Variants in ZNF385C observed in about 807,000 individuals in gnomAD.
ZNF385C encodes the protein CTD-2132N18.2.
In ZNF385C, 28 loss-of-function variants were observed where a neutral mutation model predicts 35.4. The ratio of observed to expected loss-of-function variants is 0.79; its 90% CI spans 0.59 to 1.08. The LOEUF is 1.08. ZNF385C is among the 50% of genes least tolerant of loss of function. The pLI is 0.00. For synonymous variants in ZNF385C, 248 were observed against 248.2 expected, an observed-to-expected ratio of 1.00 and a Z score of 0.01; for missense variants, 605 against 595.6, an observed-to-expected ratio of 1.02 and a Z score of -0.16.
At chr17:42,039,908 C>G (rs1413518804) in intron 2 of ZNF385C, 1 of 1,231,242 alleles carries the variant, frequency 8.1e-7, no homozygotes, top group Non-Finnish European at 1.0e-6. Flanking sequence ...CCAGCGCCCG[C>G]GGGCAGCGCC....
intron 1 of ZNF385C, among the ~76,000 whole-genome samples, chr17:42,087,703 T>C (rs782027216): frequency 5.3e-5 from 8 of 152,068 alleles, no homozygotes; most frequent in African/African-American, 7.2e-5. Context: ...AGACAGGAGG[T>C]TCACTTGAGG....
chr17:42,096,868 G>A (rs1280136838), intron 1 of ZNF385C, among the ~76,000 whole-genome samples: 2 of 151,526 alleles, frequency 1.3e-5, no homozygotes, highest in African/African-American at 4.9e-5. Context: ...GAGGTGAGGG[G>A]CCCTGGGCAG....
chr17:42,056,416 T>C (rs926805785), intron 2 of ZNF385C, among the ~76,000 whole-genome samples: 1 of 152,184 alleles, frequency 6.6e-6, no homozygotes, highest in African/African-American at 2.4e-5. Flanking sequence ...TCCTAATATA[T>C]GCTGTTCTCC....
intron 2 of ZNF385C, chr17:42,038,912 C>G (rs1392310740): frequency 6.6e-6 from 1 of 152,250 alleles, no homozygotes; most frequent in Admixed American, 6.5e-5. Flanking sequence ...CATCTACTCC[C>G]CAGTCATAGC....
intron 2 of ZNF385C, chr17:42,039,258 GA>G: frequency 3.3e-5 from 5 of 153,382 alleles, no homozygotes; most frequent in Non-Finnish European, 4.3e-5. Context: ...CTCAAAAAAA[GA>G]AAAAAAAAGA....
chr17:42,081,186 C>A (rs1384945756), intron 1 of ZNF385C, among the ~76,000 whole-genome samples: 1 of 152,070 alleles, frequency 6.6e-6, no homozygotes, highest in Non-Finnish European at 1.5e-5. Flanking sequence ...GAAGGATGGG[C>A]GCAGACAATA....
chr17:42,076,458 A>G (rs1222639046), intron 1 of ZNF385C, among the ~76,000 whole-genome samples: 3 of 152,148 alleles, frequency 2.0e-5, no homozygotes, highest in African/African-American at 7.2e-5. Context: ...CATCTCTACT[A>G]AAAATACAAA....
intron 1 of ZNF385C, among the ~76,000 whole-genome samples, chr17:42,097,181 C>A (rs1000058675): frequency 6.6e-6 from 1 of 151,932 alleles, no homozygotes; most frequent in African/African-American, 2.4e-5. Context: ...ATTATTATCC[C>A]CATTTTACAG....
At chr17:42,079,043 T>A (rs1484615445) in intron 1 of ZNF385C, among the ~76,000 whole-genome samples, 1 of 151,680 alleles carries the variant, frequency 6.6e-6, no homozygotes, top group Non-Finnish European at 1.5e-5. Context: ...GAAGATTAAA[T>A]AAGATAACAG....
At chr17:42,027,848 G>C (rs1179291056) in intron 7 of ZNF385C, 120 bp from the exon 8 acceptor site, 1 of 1,260,844 alleles carries the variant, frequency 7.9e-7, no homozygotes, top group African/African-American at 1.5e-5. Context: ...ACACAGACTG[G>C]GTCCTCACCC....
chr17:42,063,161 T>C, intron 1 of ZNF385C, 103 bp from the exon 2 acceptor site: 1 of 530,566 alleles, frequency 1.9e-6, no homozygotes, highest in Non-Finnish European at 3.3e-6. Context: ...CTGTATCCTC[T>C]ATATCCCTCT....
intron 2 of ZNF385C, among the ~76,000 whole-genome samples, chr17:42,052,327 A>AAGAC (rs1184233993): frequency 1.3e-5 from 2 of 152,284 alleles, no homozygotes; most frequent in East Asian, 1.9e-4. Flanking sequence ...ATAATGGGAA[A>AAGAC]AGACAGACAG....
chr17:42,054,557 G>A (rs1161744009), intron 2 of ZNF385C, among the ~76,000 whole-genome samples: 4 of 150,952 alleles, frequency 2.6e-5, no homozygotes, highest in African/African-American at 9.7e-5. Context: ...GGAGAGGAGG[G>A]AGTTTATCTG....
At chr17:42,045,339 C>T (rs1488395033) in intron 2 of ZNF385C, among the ~76,000 whole-genome samples, 1 of 152,280 alleles carries the variant, frequency 6.6e-6, no homozygotes, top group Non-Finnish European at 1.5e-5. Context: ...GCGTGCGCCA[C>T]CGCGCCTGGC....
At chr17:42,064,714 G>A (rs921199403) in intron 1 of ZNF385C, among the ~76,000 whole-genome samples, 4 of 151,992 alleles carry the variant, frequency 2.6e-5, no homozygotes, top group South Asian at 4.1e-4. Flanking sequence ...ACAGGTGTCC[G>A]CCACCACGCC....
chr17:42,040,458 C>T, intron 2 of ZNF385C: 1 of 1,232,184 alleles, frequency 8.1e-7, no homozygotes, highest in Non-Finnish European at 1.0e-6. Flanking sequence ...GCAGCAAGGC[C>T]AAGTCCGGCT....
At chr17:42,063,565 A>G (rs1349237440) in intron 1 of ZNF385C, among the ~76,000 whole-genome samples, 1 of 152,024 alleles carries the variant, frequency 6.6e-6, no homozygotes, top group Non-Finnish European at 1.5e-5. Flanking sequence ...AAAAACAAAA[A>G]CAAAAAAACT....
intron 2 of ZNF385C, chr17:42,039,438 C>G (rs777404674): frequency 4.0e-5 from 14 of 353,550 alleles, no homozygotes; most frequent in Non-Finnish European, 6.6e-5. Flanking sequence ...CCTCATCTAA[C>G]TGTGTAAAGG....
At chr17:42,068,558 G>T (rs1409877244) in intron 1 of ZNF385C, among the ~76,000 whole-genome samples, 1 of 152,072 alleles carries the variant, frequency 6.6e-6, no homozygotes, top group Non-Finnish European at 1.5e-5. Flanking sequence ...CGTTTCCCAG[G>T]CTCCAGGCTG....
Sources: allele counts gnomAD v4.1 joint callset (sites outside exome capture counted in the v4.1 genomes callset), GRCh38; gene constraint gnomAD v4.1.1; transcripts MANE v1.5; gene names NCBI Gene and HGNC (gene_info 2026-07-23, HGNC 2026-07-21).